The following PCMT1 variants were observed in gnomAD, a reference collection of about 807,000 sequenced individuals.
PCMT1 encodes protein-L-isoaspartate(D-aspartate) O-methyltransferase.
A neutral mutation model predicts 29.2 loss-of-function variants in PCMT1; 9 were observed. The observed-to-expected ratio is 0.31, with a 90% CI of 0.19 to 0.54. The LOEUF is 0.54. Among genes scored for constraint, PCMT1 ranks in the 20% least tolerant of loss-of-function variants. The pLI is 0.95. For synonymous variants in PCMT1, 98 were observed against 97.5 expected (o/e 1.00, Z -0.03); for missense variants, 184 against 282.2 (o/e 0.65, Z 2.49).
At chr6:149,807,560 G>A (rs887418170) in intron 7 of PCMT1, among the ~76,000 whole-genome samples, 1 of 151,972 alleles carries the variant, frequency 6.6e-6, no homozygotes, top group African/African-American at 2.4e-5. Flanking sequence ...TAGTAGAGAC[G>A]GGGTTTCACT....
chr6:149,763,325 A>G (rs998340600), intron 1 of PCMT1, among the ~76,000 whole-genome samples: 3 of 140,356 alleles, frequency 2.1e-5, no homozygotes, highest in Non-Finnish European at 3.0e-5. Flanking sequence ...ATCATAGATT[A>G]CCAATGACAG....
intron 5 of PCMT1, chr6:149,796,167 T>A (rs2115326178): frequency 3.1e-6 from 1 of 326,614 alleles, no homozygotes; most frequent in Non-Finnish European, 5.5e-6. Flanking sequence ...AATGAAGCGC[T>A]TTTCATTTAC....
At chr6:149,795,552 C>A in intron 5 of PCMT1, 3 of 491,824 alleles carry the variant, frequency 6.1e-6, no homozygotes, top group South Asian at 1.9e-5. Flanking sequence ...TGGATCTGGC[C>A]GAGAACACAA....
At chr6:149,791,193 G>A (rs3805751) in intron 4 of PCMT1, among the ~76,000 whole-genome samples, 79,804 of 151,968 alleles carry the variant, frequency 0.53, 23,803 homozygotes, top group East Asian at 0.83. Context: ...GCTGGGCCCC[G>A]TCTCCCAGGG....
intron 4 of PCMT1, among the ~76,000 whole-genome samples, chr6:149,790,351 GTTCTCTCTGTTTC>G (rs953952053): frequency 9.2e-5 from 14 of 152,196 alleles, no homozygotes; most frequent in Admixed American, 3.9e-4. Flanking sequence ...TGACGATAGG[GTTCTCTCTGTTTC>G]TTGATTTGGC....
intron 7 of PCMT1, 94 bp downstream of exon 7, chr6:149,802,510 C>T (rs1022533399): frequency 7.7e-7 from 1 of 1,300,320 alleles, no homozygotes; most frequent in Non-Finnish European, 9.8e-7. Context: ...AAATTCATTA[C>T]ATTAAAAATG....
At chr6:149,803,966 A>C (rs1775931489) in intron 7 of PCMT1, among the ~76,000 whole-genome samples, 1 of 151,152 alleles carries the variant, frequency 6.6e-6, no homozygotes, top group Non-Finnish European at 1.5e-5. Context: ...CTGTAGTCCC[A>C]GGCACTCAGG....
chr6:149,782,884 C>T (rs1787872735), intron 3 of PCMT1, among the ~76,000 whole-genome samples: 1 of 152,106 alleles, frequency 6.6e-6, no homozygotes, highest in Non-Finnish European at 1.5e-5. Context: ...TGGCTGGGTG[C>T]AGTGGCTGAT....
chr6:149,800,641 A>G (rs1171888118), intron 6 of PCMT1, among the ~76,000 whole-genome samples: 2 of 152,166 alleles, frequency 1.3e-5, no homozygotes, highest in Admixed American at 6.6e-5. Flanking sequence ...TTCTTCATTG[A>G]CAGGAGTGTC....
rs1000271246 is a variant in PCMT1, at chr6:149,809,859, A to G, written c.*38-757A>G. 3.3e-5 allele frequency among the ~76,000 whole-genome samples: 5 copies of G among 151,928 alleles called. No homozygotes were observed. The East Asian group carries it at 7.7e-4, about 23-fold the overall frequency. ...CACTTGAGACTTAATTATCAATATCATGCTTCTTTACCCCTAAAGTTCTTG... is the reference window on the plus strand; with the variant it reads ...CACTTGAGACTTAATTATCAATATCGTGCTTCTTTACCCCTAAAGTTCTTG... On this transcript the variant is annotated intron_variant, in intron 7 of 7. Coordinates refer to ENST00000464889, the MANE Select transcript of PCMT1 (RefSeq NM_001360452.2).
intron 3 of PCMT1, among the ~76,000 whole-genome samples, chr6:149,784,996 T>C (rs1787962781): frequency 2.0e-5 from 3 of 152,028 alleles, no homozygotes; most frequent in Admixed American, 1.3e-4. Context: ...ACAGAGTCTA[T>C]ACATTGCATA....
intron 1 of PCMT1, among the ~76,000 whole-genome samples, chr6:149,755,351 C>T (rs909344589): frequency 5.9e-5 from 9 of 151,698 alleles, no homozygotes; most frequent in Admixed American, 2.6e-4. Context: ...CACTTGAGCC[C>T]GAGAGGTTGA....
At chr6:149,771,346 C>A in intron 2 of PCMT1, 80 bp downstream of exon 2, 2 of 826,332 alleles carry the variant, frequency 2.4e-6, no homozygotes, top group South Asian at 1.6e-5. Context: ...GCCTGGGACA[C>A]AGATATTTAT....
At chr6:149,790,522 T>C (rs951183609) in intron 4 of PCMT1, among the ~76,000 whole-genome samples, 2 of 151,412 alleles carry the variant, frequency 1.3e-5, no homozygotes, top group Non-Finnish European at 2.9e-5. Context: ...TTTTCTTTTT[T>C]TTTTTTTTTT....
chr6:149,794,346 G>T (rs1308656002), intron 5 of PCMT1, among the ~76,000 whole-genome samples: 1 of 152,276 alleles, frequency 6.6e-6, no homozygotes, highest in Admixed American at 6.5e-5. Flanking sequence ...TTGGCCAGGA[G>T]CGGTGGCTCA....
At chr6:149,750,009 C>A in intron 1 of PCMT1, 53 bp downstream of exon 1, 1 of 1,565,488 alleles carries the variant, frequency 6.4e-7, no homozygotes, top group Non-Finnish European at 8.7e-7. Context: ...TGGGCCTGGA[C>A]CGGGTCCCCC....
At chr6:149,774,240 CT>C (rs888478387) in intron 3 of PCMT1, among the ~76,000 whole-genome samples, 1 of 147,198 alleles carries the variant, frequency 6.8e-6, no homozygotes, top group Non-Finnish European at 1.5e-5. Flanking sequence ...TTTTCTTTTT[CT>C]TTTCTTTTTT....
chr6:149,795,054 A>C (rs1003994749), intron 5 of PCMT1: 4 of 341,126 alleles, frequency 1.2e-5, no homozygotes, highest in African/African-American at 2.2e-5. Context: ...TAAGCCAGGC[A>C]TGGTGGCAGG....
chr6:149,781,180 C>T (rs1331637397), intron 3 of PCMT1, among the ~76,000 whole-genome samples: 8 of 137,152 alleles, frequency 5.8e-5, no homozygotes, highest in African/African-American at 2.0e-4. Flanking sequence ...CAGTCTCTTA[C>T]CCCTTTCTTG....
Sources: allele counts gnomAD v4.1 joint callset (sites outside exome capture counted in the v4.1 genomes callset), GRCh38; gene constraint gnomAD v4.1.1; transcripts MANE v1.5; gene names NCBI Gene and HGNC (gene_info 2026-07-23, HGNC 2026-07-21).